The following KIF26B variants were observed in gnomAD, a reference collection of about 807,000 sequenced individuals.
The protein encoded by KIF26B is kinesin-like protein KIF26B.
A neutral mutation model predicts 151.2 loss-of-function variants in KIF26B; 63 were observed. The observed-to-expected ratio is 0.42, with a 90% confidence interval of 0.34 to 0.51. The LOEUF is 0.51. Ranked by LOEUF, KIF26B falls within the 20% of genes least tolerant of loss-of-function variation. The pLI, the probability that KIF26B is intolerant of heterozygous loss-of-function variation, is 0.07. For synonymous variants in KIF26B, 1,357 were observed against 1,262.1 expected, an observed-to-expected ratio of 1.08 and a Z score of -1.59; for missense variants, 2,813 against 2,913.6, an observed-to-expected ratio of 0.97 and a Z score of 0.79.
chr1:245,574,564 C>T (rs1452830182), intron 5 of KIF26B, among the ~76,000 whole-genome samples: 3 of 152,148 alleles, frequency 2.0e-5, no homozygotes, highest in Non-Finnish European at 4.4e-5. Context: ...GCTCCAGGGC[C>T]GGTGTCTCCC....
chr1:245,212,957 GT>G (rs1669574943), intron 2 of KIF26B, among the ~76,000 whole-genome samples: 1 of 152,230 alleles, frequency 6.6e-6, no homozygotes, highest in African/African-American at 2.4e-5. Flanking sequence ...AGTTGACCCA[GT>G]TAGATTAAAG....
At chr1:245,405,155 T>C (rs990803104) in intron 3 of KIF26B, among the ~76,000 whole-genome samples, 1 of 152,224 alleles carries the variant, frequency 6.6e-6, no homozygotes, top group Non-Finnish European at 1.5e-5. Context: ...TTAGGATTAA[T>C]GAAACAGAGT....
chr1:245,427,747 A>G (rs552823355), intron 4 of KIF26B, among the ~76,000 whole-genome samples: 2 of 152,166 alleles, frequency 1.3e-5, no homozygotes, highest in South Asian at 4.2e-4. Context: ...TGCACTTGCC[A>G]GGGTCCCGTT....
At chr1:245,636,990 A>G (rs774264406) in intron 9 of KIF26B, among the ~76,000 whole-genome samples, 4 of 151,990 alleles carry the variant, frequency 2.6e-5, no homozygotes, top group Non-Finnish European at 5.9e-5. Flanking sequence ...TAGTGCAGAT[A>G]CCTCTTTGAT....
chr1:245,278,809 T>C (rs1573748516), intron 2 of KIF26B, among the ~76,000 whole-genome samples: 1 of 152,224 alleles, frequency 6.6e-6, no homozygotes, highest in South Asian at 2.1e-4. Flanking sequence ...TGTTTAGCTT[T>C]TAGAAAGTTA....
chr1:245,391,031 T>C lies in KIF26B; in HGVS notation c.999+23664T>C, dbSNP rs1162727577. On this transcript the variant is annotated intron_variant, in intron 3 of 14. Coordinates refer to ENST00000407071, the MANE Select transcript of KIF26B (RefSeq NM_018012.4). ...TCTACTACCATGGGCTTGAAAGCTT[T>C]CCAATACTAAAATATTTTTCTGGTA... Among the ~76,000 whole-genome samples the C allele has an allele frequency of 2.6e-5, 4 of 151,462 alleles. No homozygotes were observed. The East Asian group carries it at 5.8e-4, about 22-fold the overall frequency.
intron 5 of KIF26B, among the ~76,000 whole-genome samples, chr1:245,546,232 T>C (rs1429565481): frequency 6.6e-6 from 1 of 152,254 alleles, no homozygotes; most frequent in African/African-American, 2.4e-5. Flanking sequence ...TTTTTGTTTT[T>C]TGAGTCAGAG....
intron 9 of KIF26B, among the ~76,000 whole-genome samples, chr1:245,617,039 T>C (rs1421788114): frequency 6.6e-6 from 1 of 152,242 alleles, no homozygotes; most frequent in Admixed American, 6.5e-5. Flanking sequence ...ACATCTGTGC[T>C]ACACTCATCT....
chr1:245,446,634 C>T (rs1773804), intron 4 of KIF26B, among the ~76,000 whole-genome samples: 2 of 152,276 alleles, frequency 1.3e-5, no homozygotes, highest in African/African-American at 2.4e-5. Context: ...TAAAAGGAAC[C>T]TAGAGTGCAA....
chr1:245,638,513 T>C (rs1246806462), intron 9 of KIF26B, among the ~76,000 whole-genome samples: 3 of 151,906 alleles, frequency 2.0e-5, no homozygotes, highest in Non-Finnish European at 4.4e-5. Context: ...ATTCTAGTAC[T>C]ATACTGAATA....
chr1:245,223,823 CGGT>C (rs1426014473), intron 2 of KIF26B, among the ~76,000 whole-genome samples: 2 of 152,140 alleles, frequency 1.3e-5, no homozygotes, highest in African/African-American at 4.8e-5. Flanking sequence ...GCAAAGGTAA[CGGT>C]GGGTAAATTG....
intron 2 of KIF26B, among the ~76,000 whole-genome samples, chr1:245,249,675 G>A (rs906159046): frequency 2.6e-5 from 4 of 151,936 alleles, no homozygotes; most frequent in African/African-American, 9.7e-5. Flanking sequence ...TAGAGATGGG[G>A]TTTCACCATG....
chr1:245,202,534 G>T (rs947311114), intron 2 of KIF26B, among the ~76,000 whole-genome samples: 1 of 152,142 alleles, frequency 6.6e-6, no homozygotes, highest in Non-Finnish European at 1.5e-5. Flanking sequence ...CAAGGCGGGA[G>T]GATTCTTTGA....
intron 4 of KIF26B, among the ~76,000 whole-genome samples, chr1:245,504,802 T>G (rs7549463): frequency 2.6e-5 from 4 of 152,106 alleles, no homozygotes; most frequent in Admixed American, 1.3e-4. Context: ...GAGGTGGCTC[T>G]GTCTCCTCGT....
intron 2 of KIF26B, among the ~76,000 whole-genome samples, chr1:245,191,435 A>G (rs1438732254): frequency 2.0e-5 from 3 of 152,166 alleles, no homozygotes; most frequent in African/African-American, 7.2e-5. Flanking sequence ...AGATCACACC[A>G]CTACACACCC....
intron 9 of KIF26B, among the ~76,000 whole-genome samples, chr1:245,630,638 G>T (rs139713237): frequency 0.017 from 2,522 of 152,202 alleles, 30 homozygotes; most frequent in South Asian, 0.051. Context: ...TGCATGTGGG[G>T]CTTAAAACCT....
chr1:245,562,113 G>A (rs915362919), intron 5 of KIF26B, among the ~76,000 whole-genome samples: 3 of 151,946 alleles, frequency 2.0e-5, no homozygotes, highest in African/African-American at 7.2e-5. Flanking sequence ...CTTTGTCTCC[G>A]CGGTGGTGCT....
intron 2 of KIF26B, among the ~76,000 whole-genome samples, chr1:245,313,186 A>G (rs1302719775): frequency 1.3e-5 from 2 of 152,086 alleles, no homozygotes; most frequent in East Asian, 1.9e-4. Context: ...ACAAACAAAC[A>G]AAAAGATGGA....
In KIF26B at chr1:245,698,403, A is replaced by G. The variant is rs1410055163; in HGVS notation, c.6027+95A>G. Reference sequence around the variant, plus strand: ...GGCAGGGCCCTGGGGAAGAAAACTCAGACCCGGGCTTCCCAGCGGGCTTCT... The same window carrying G: ...GGCAGGGCCCTGGGGAAGAAAACTCGGACCCGGGCTTCCCAGCGGGCTTCT... On this transcript the variant is annotated intron_variant, in intron 13 of 14. Coordinates refer to ENST00000407071, the MANE Select transcript of KIF26B (RefSeq NM_018012.4). This position sits in a 1 kb window ranked among gnomAD's most constrained non-coding sequence, Gnocchi z 4.0. 2 of 1,167,046 alleles carry G rather than the reference A, an allele frequency of 1.7e-6. No individual in the cohort carries two copies. Among genetic ancestry groups the G allele is most frequent in the Non-Finnish European group, 2.4e-6 (2 of 827,784 alleles). 72.3% of individuals were successfully genotyped at this position (1,167,046 alleles called of 1,614,324 possible).
Sources: gnomAD v4.1 joint callset for allele counts (sites outside exome capture counted in the v4.1 genomes callset) on GRCh38, gnomAD v4.1.1 for gene constraint, Gnocchi (gnomAD v3.1) non-coding constraint, MANE v1.5 for transcripts, NCBI Gene and HGNC (gene_info 2026-07-23, HGNC 2026-07-21) for gene names.